Variants in NAP1L4 observed in about 807,000 individuals in gnomAD.
The protein encoded by NAP1L4 is nucleosome assembly protein 1-like 4.
NAP1L4 carries 15 observed loss-of-function variants against 58.2 expected under a neutral mutation model. That is an observed-to-expected ratio of 0.26 (90% CI 0.17 to 0.40). The LOEUF is 0.40. Among genes scored for constraint, NAP1L4 ranks in the 10% least tolerant of loss-of-function variants. NAP1L4 has a pLI of 1.00. For missense variants in NAP1L4, 384 were observed against 451.1 expected, an observed-to-expected ratio of 0.85 and a Z score of 1.35; for synonymous variants, 171 against 155.6, an observed-to-expected ratio of 1.10 and a Z score of -0.74.
rs1424322938 is a variant in NAP1L4, at chr11:2,949,281, A to G, written c.1123-17T>C. The G allele has an allele frequency of 6.3e-7, 1 of 1,585,074 alleles. No individual in the cohort carries two copies. Among genetic ancestry groups the G allele is most frequent in the Non-Finnish European group, 8.7e-7 (1 of 1,153,516 alleles). On this transcript the variant is annotated splice_polypyrimidine_tract_variant and intron_variant, in intron 14 of 15. Transcript: ENST00000380542. The surrounding 1 kb of genome is among the most constrained non-coding windows in gnomAD (Gnocchi z 4.0). ...AAATTACACCTAAATGGGGAAAAAA[A>G]TTGAAAGGAACTGTCAGCATGAAAG...
chr11:2,988,868 T>C (rs182252140), intron 1 of NAP1L4, among the ~76,000 whole-genome samples: 225 of 152,320 alleles, frequency 1.5e-3, no homozygotes, highest in African/African-American at 4.8e-3. Context: ...AAAAACACAA[T>C]GCCTCTGTTA....
Position 2,956,608 on chromosome 11 carries a change from T to C in NAP1L4, c.893-842A>G, listed in dbSNP as rs140226060. Among the ~76,000 whole-genome samples the C allele has an allele frequency of 2.6e-3, 400 of 152,326 alleles. 1 individual carries two copies. The highest frequency in any genetic ancestry group is 8.6e-3 in the African/African-American group (359 of 41,584). On this transcript the variant is annotated intron_variant, in intron 10 of 15. Coordinates refer to ENST00000380542, the MANE Select transcript of NAP1L4 (RefSeq NM_005969.4). ...ATGTTGGGTGCGTAAACACCACCCA[T>C]GAGTGAGGCAGAGTTCCCAAGCCTC...
In NAP1L4 at chr11:2,948,461, G is replaced by A. The variant is rs576302091; in HGVS notation, c.*32+766C>T. Among the ~76,000 whole-genome samples, 2 of 152,194 alleles carry A rather than the reference G, an allele frequency of 1.3e-5. No individual in the cohort carries two copies. The highest frequency in any genetic ancestry group is 4.8e-5 in the African/African-American group (2 of 41,510). On this transcript the variant is annotated intron_variant, in intron 15 of 15. Transcript: ENST00000380542. The surrounding 1 kb of genome is among the most constrained non-coding windows in gnomAD (Gnocchi z 5.1). ...TCTCTGCTTTCTCCCACTACATCCC[G>A]AGTGCCACGAGTGAACAGGTCTCGT...
chr11:2,962,170 C>A (rs4758616), intron 8 of NAP1L4, among the ~76,000 whole-genome samples: 2 of 152,122 alleles, frequency 1.3e-5, no homozygotes, highest in Non-Finnish European at 2.9e-5. Flanking sequence ...CTGAAAGGAA[C>A]CTAAACTAAG....
chr11:2,946,825 T>C lies in NAP1L4; in HGVS notation c.*33-1179A>G, dbSNP rs958932233. 2.0e-5 allele frequency among the ~76,000 whole-genome samples: 3 copies of C among 152,196 alleles called. No individual in the cohort carries two copies. The highest frequency in any genetic ancestry group is 7.2e-5 in the African/African-American group (3 of 41,448). ...AAACCCTCGCCATGTCAATCTGACATTCAAGGGTAGACTGAAGGTGGCCCA... is the reference window on the plus strand; with the variant it reads ...AAACCCTCGCCATGTCAATCTGACACTCAAGGGTAGACTGAAGGTGGCCCA... On this transcript the variant is annotated intron_variant, in intron 15 of 15. Coordinates refer to ENST00000380542, the MANE Select transcript of NAP1L4 (RefSeq NM_005969.4). The surrounding 1 kb of genome is among the most constrained non-coding windows in gnomAD (Gnocchi z 4.8).
chr11:2,967,712 ATTCTCTGCATATTAAATGAGTACTC>A (rs1298598758), intron 7 of NAP1L4, among the ~76,000 whole-genome samples: 1 of 152,078 alleles, frequency 6.6e-6, no homozygotes, highest in African/African-American at 2.4e-5. Context: ...ACATTTCCTC[ATTCTCTGCATATTAAATGAGTACTC>A]TATCAACCCC....
At chr11:2,989,816 C>A (rs904386969) in intron 1 of NAP1L4, 6 of 152,184 alleles carry the variant, frequency 3.9e-5, no homozygotes, top group African/African-American at 1.4e-4. Flanking sequence ...GAACACATCC[C>A]ATCCGCAGGT....
intron 10 of NAP1L4, among the ~76,000 whole-genome samples, chr11:2,956,885 T>C (rs1199633555): frequency 6.6e-6 from 1 of 152,194 alleles, no homozygotes; most frequent in Non-Finnish European, 1.5e-5. Flanking sequence ...CATTACCTAT[T>C]CCGCAGCCAT....
At position 2,954,304 on chromosome 11, in the gene NAP1L4, T is replaced by C; in HGVS notation, c.1035+223A>G. 1 of 658,472 alleles carries C rather than the reference T, an allele frequency of 1.5e-6. No individual in the cohort carries two copies. Among genetic ancestry groups the C allele is most frequent in the Non-Finnish European group, 2.6e-6 (1 of 379,592 alleles). 40.8% of individuals were successfully genotyped at this position (658,472 alleles called of 1,614,324 possible). A position where few individuals can be genotyped will look rare whatever the true frequency, so the allele number is the denominator to read the frequency against. ...CACATAGGAAACTGGCAATCACCTC[T>C]GAAACTGCTTCACAGACACCTGCTT... On this transcript the variant is annotated intron_variant, in intron 12 of 15. Transcript: ENST00000380542. This position sits in a 1 kb window ranked among gnomAD's most constrained non-coding sequence, Gnocchi z 4.8.
At chr11:2,990,245 G>GT (rs1848879867) in intron 1 of NAP1L4, 2 of 152,020 alleles carry the variant, frequency 1.3e-5, no homozygotes, top group East Asian at 3.9e-4. Flanking sequence ...TATTTAAGAC[G>GT]GCAGTAACGT....
Position 2,960,161 on chromosome 11 carries a change from G to T in NAP1L4, c.607-252C>A, listed in dbSNP as rs79868178. 840 of 396,592 alleles carry T rather than the reference G, an allele frequency of 2.1e-3. 2 individuals carry two copies. Among genetic ancestry groups the T allele is most frequent in the African/African-American group, 0.015 (768 of 49,740 alleles). The allele number at this position is 396,592 out of a possible 1,614,324, so 24.6% of individuals were successfully genotyped here. A position where few individuals can be genotyped will look rare whatever the true frequency, so the allele number is the denominator to read the frequency against. On this transcript the variant is annotated intron_variant, in intron 8 of 15. Transcript: ENST00000380542. ...CCCCTCCAATGCCTCCTCACCAATA[G>T]GCGTCAAGCTCTCCTAAGAAATCCT...
rs980625300 is a variant in NAP1L4 at position 2,949,539 on chromosome 11, G to A, written c.1123-275C>T. Among the ~76,000 whole-genome samples the A allele has an allele frequency of 2.0e-5, 3 of 152,130 alleles. No individual in the cohort carries two copies. The highest frequency in any genetic ancestry group is 7.2e-5 in the African/African-American group (3 of 41,400). On this transcript the variant is annotated intron_variant, in intron 14 of 15. Transcript: ENST00000380542. This position sits in a 1 kb window ranked among gnomAD's most constrained non-coding sequence, Gnocchi z 4.0. ...CTAACACTGCCCATCTCTCTGGAAG[G>A]TGCATGTGACAGGGACAGCAGGCTT...
chr11:2,985,708 A>G (rs531609501), intron 1 of NAP1L4, among the ~76,000 whole-genome samples: 35 of 151,932 alleles, frequency 2.3e-4, no homozygotes, highest in African/African-American at 7.8e-4. Flanking sequence ...ATAACTAAAA[A>G]TAAATAAAAG....
chr11:2,954,162 C>A lies in NAP1L4; in HGVS notation c.1035+365G>T, dbSNP rs1209963262. On this transcript the variant is annotated intron_variant, in intron 12 of 15. Coordinates refer to ENST00000380542, the MANE Select transcript of NAP1L4 (RefSeq NM_005969.4). The surrounding 1 kb of genome is among the most constrained non-coding windows in gnomAD (Gnocchi z 4.8). ...TGATGAACCACAGGCTAGCATAAGT[C>A]CACTGTCAATAAATGTTTGTTGTGG... 2.6e-5 allele frequency: 6 copies of A among 230,148 alleles called. No individual in the cohort carries two copies. Among genetic ancestry groups the A allele is most frequent in the Admixed American group, 2.2e-4 (4 of 18,544 alleles). 14.3% of individuals were successfully genotyped at this position (230,148 alleles called of 1,614,324 possible).
chr11:2,975,913 T>C lies in NAP1L4; in HGVS notation c.173+111A>G, dbSNP rs1167971821. ...GTGCCTGTCTCTCATAGACAATGTC[T>C]TGGAACGAAAAAAACATTTAATCCT... On this transcript the variant is annotated intron_variant, in intron 4 of 15. Transcript: ENST00000380542. The C allele has an allele frequency of 4.2e-6, 4 of 951,618 alleles. No homozygotes were observed. In the African/African-American group the frequency reaches 6.6e-5, roughly 16 times the overall value. 58.9% of individuals were successfully genotyped at this position (951,618 alleles called of 1,614,324 possible).
intron 7 of NAP1L4, among the ~76,000 whole-genome samples, chr11:2,969,503 C>G (rs1847508152): frequency 6.6e-6 from 1 of 152,074 alleles, no homozygotes; most frequent in South Asian, 2.1e-4. Flanking sequence ...ATAGGCTTTC[C>G]CACAGGCAAG....
chr11:2,979,658 G>A (rs578010817), intron 1 of NAP1L4, among the ~76,000 whole-genome samples: 4 of 151,944 alleles, frequency 2.6e-5, no homozygotes, highest in South Asian at 2.1e-4. Flanking sequence ...TGTAATCCCC[G>A]CTACTCAGGA....
At chr11:2,986,639 T>TC (rs1848645780) in intron 1 of NAP1L4, among the ~76,000 whole-genome samples, 1 of 151,418 alleles carries the variant, frequency 6.6e-6, no homozygotes, top group Non-Finnish European at 1.5e-5. Flanking sequence ...TTTTTTTTTT[T>TC]TTTTGAGATA....
chr11:2,968,681 G>C (rs996537737), intron 7 of NAP1L4, among the ~76,000 whole-genome samples: 1 of 152,190 alleles, frequency 6.6e-6, no homozygotes, highest in Non-Finnish European at 1.5e-5. Flanking sequence ...AGTTTGCAAC[G>C]CACAGTGCCT....
Sources: gnomAD v4.1 joint callset for allele counts (sites outside exome capture counted in the v4.1 genomes callset) on GRCh38, gnomAD v4.1.1 for gene constraint, Gnocchi (gnomAD v3.1) non-coding constraint, MANE v1.5 for transcripts, NCBI Gene and HGNC (gene_info 2026-07-23, HGNC 2026-07-21) for gene names.